Variants in MCMDC2 observed in about 807,000 individuals in gnomAD.
The protein encoded by MCMDC2 is minichromosome maintenance domain containing 2, also known as minichromosome maintenance domain-containing protein 2.
In MCMDC2, 54 loss-of-function variants were observed where a neutral mutation model predicts 75.8. That is an observed-to-expected ratio of 0.71 (90% CI 0.57 to 0.89). MCMDC2 has a LOEUF of 0.89. MCMDC2 is among the 40% of genes least tolerant of loss of function. The pLI, the probability that MCMDC2 is intolerant of heterozygous loss-of-function variation, is 0.00. For synonymous variants in MCMDC2, 249 were observed against 274.6 expected (o/e 0.91, Z 0.92); for missense variants, 656 against 780.4 (o/e 0.84, Z 1.90).
At chr8:66,882,530 T>G (rs1022532256) in intron 8 of MCMDC2, among the ~76,000 whole-genome samples, 2 of 152,076 alleles carry the variant, frequency 1.3e-5, no homozygotes. Flanking sequence ...CACGCCCAGC[T>G]AATTTTTGTA....
rs964976315 is a variant in MCMDC2 at position 66,900,584 on chromosome 8, G to A, written c.1627-622G>A. Among the ~76,000 whole-genome samples the A allele has an allele frequency of 1.3e-5, 2 of 151,920 alleles. 1 individual carries two copies. Among genetic ancestry groups the A allele is most frequent in the South Asian group, 4.2e-4 (2 of 4,812 alleles). On this transcript the variant is annotated intron_variant, in intron 12 of 14. Transcript: ENST00000422365. Reference sequence around the variant, plus strand: ...AATTGAAAAAACTAGAAAATAACTAGGATAGTAAAAAATTTGGAAATTACG... The same window carrying A: ...AATTGAAAAAACTAGAAAATAACTAAGATAGTAAAAAATTTGGAAATTACG...
In MCMDC2 at chr8:66,883,787, G is replaced by T. The variant is rs575574051; in HGVS notation, c.866G>T (p.Cys289Phe). ...VPSGISDNFRCLLSLTSSSCW... is the reference protein window; with the variant it reads ...VPSGISDNFRFLLSLTSSSCW... The stretch of plus-strand genomic sequence containing the variant: ...TCAGGAATTAGTGACAACTTCAGGT[G>T]TCTCCTCTCCTTAACTTCCAGCTCA... Residue 289 changes from cysteine to phenylalanine, a missense_variant, in exon 9 of 15, where the codon TGT (cysteine) becomes TTT (phenylalanine). Transcript: ENST00000422365. 5 of 1,612,210 alleles carry T rather than the reference G, an allele frequency of 3.1e-6. No individual in the cohort carries two copies. In the South Asian group the frequency reaches 5.5e-5, roughly 18 times the overall value.
intron 9 of MCMDC2, among the ~76,000 whole-genome samples, chr8:66,886,575 C>T (rs1373168094): frequency 1.3e-5 from 2 of 151,984 alleles, no homozygotes; most frequent in African/African-American, 4.8e-5. Flanking sequence ...GAATTTGAGA[C>T]CAACCTAGCC....
intron 12 of MCMDC2, among the ~76,000 whole-genome samples, chr8:66,899,036 TA>T (rs1429132324): frequency 5.9e-5 from 9 of 152,242 alleles, no homozygotes; most frequent in Admixed American, 5.9e-4. Flanking sequence ...TGTAAAATAG[TA>T]AAAAGTGAAA....
chr8:66,874,659 T>C, intron 4 of MCMDC2, 73 bp downstream of exon 4: 1 of 1,276,076 alleles, frequency 7.8e-7, no homozygotes, highest in Non-Finnish European at 1.1e-6. Flanking sequence ...TATTTTTATA[T>C]TCATAGACTT....
intron 6 of MCMDC2, 57 bp from the exon 7 acceptor site, chr8:66,878,758 G>T (rs1811420726): frequency 7.0e-7 from 1 of 1,437,126 alleles, no homozygotes; most frequent in Non-Finnish European, 9.4e-7. Context: ...TTTCAATATG[G>T]AAATTAAATT....
chr8:66,910,785 G>A (rs1271758884), intron 14 of MCMDC2, among the ~76,000 whole-genome samples: 1 of 151,830 alleles, frequency 6.6e-6, no homozygotes, highest in Non-Finnish European at 1.5e-5. Flanking sequence ...CTCCAGCCTG[G>A]GCAACAAGAG....
downstream of MCMDC2, chr8:66,925,506 C>A (rs371637683): frequency 2.1e-3 from 319 of 152,894 alleles, 4 homozygotes; most frequent in African/African-American, 7.4e-3. Flanking sequence ...AACGGCTCTT[C>A]GCGCTTCTTC....
rs184498711 is a variant in MCMDC2 at position 66,898,113 on chromosome 8, G to A, written c.1626+1154G>A. 4.4e-3 allele frequency among the ~76,000 whole-genome samples: 670 copies of A among 152,018 alleles called. 4 individuals are homozygous for A. Among genetic ancestry groups the A allele is most frequent in the South Asian group, 0.019 (90 of 4,810 alleles). On this transcript the variant is annotated intron_variant, in intron 12 of 14. Coordinates refer to ENST00000422365, the MANE Select transcript of MCMDC2 (RefSeq NM_173518.5). ...TTTTGGTTTTGGTTTTATTATATAGGAAAAAAGTAGTCTGTAGGAGTTAGG... is the reference window on the plus strand; with the variant it reads ...TTTTGGTTTTGGTTTTATTATATAGAAAAAAAGTAGTCTGTAGGAGTTAGG...
chr8:66,910,793 G>A (rs981099737), intron 14 of MCMDC2, among the ~76,000 whole-genome samples: 2 of 150,770 alleles, frequency 1.3e-5, no homozygotes, highest in Admixed American at 6.6e-5. Context: ...TGGGCAACAA[G>A]AGCAAAACTC....
intron 13 of MCMDC2, among the ~76,000 whole-genome samples, chr8:66,902,464 C>T (rs562758528): frequency 1.3e-4 from 20 of 149,066 alleles, no homozygotes; most frequent in East Asian, 1.0e-3. Flanking sequence ...CAAGGTGGGG[C>T]GATCACCTGA....
intron 14 of MCMDC2, among the ~76,000 whole-genome samples, chr8:66,914,283 CAAA>C (rs67943900): frequency 0.033 from 2,854 of 85,710 alleles, 46 homozygotes; most frequent in South Asian, 0.071. Context: ...ACCCTGTATC[CAAA>C]AAAAAAAAAA....
chr8:66,903,550 G>A (rs1473386461), intron 13 of MCMDC2, among the ~76,000 whole-genome samples: 1 of 152,158 alleles, frequency 6.6e-6, no homozygotes, highest in Non-Finnish European at 1.5e-5. Context: ...GTGAAGCTGT[G>A]ATGCAGCTAT....
Position 66,878,915 on chromosome 8 carries a change from A to G in MCMDC2, c.705A>G (p.Leu235=). The G allele has an allele frequency of 3.1e-6, 5 of 1,589,644 alleles. No individual in the cohort carries two copies. The highest frequency in any genetic ancestry group is 4.3e-6 in the Non-Finnish European group (5 of 1,161,684). The change falls in exon 7 of 15, where the codon CTA becomes CTG. Residue 235 remains leucine, a synonymous_variant. Transcript: ENST00000422365. ...GGTTTCAATCACTTACAATTTTCCTAAGAGGTAAGTGAATTCTGTTTGAAC... is the reference window on the plus strand; with the variant it reads ...GGTTTCAATCACTTACAATTTTCCTGAGAGGTAAGTGAATTCTGTTTGAAC... ...PFRFQSLTIF[L]RDESVNKMNI... is the part of the protein sequence containing the mutation.
chr8:66,879,310 T>TGGCCA (rs773625696), intron 7 of MCMDC2, among the ~76,000 whole-genome samples: 32 of 151,930 alleles, frequency 2.1e-4, no homozygotes, highest in Non-Finnish European at 4.1e-4. Context: ...AATGAAAAGC[T>TGGCCA]GGCCAGGCGC....
chr8:66,893,771 C>T (rs1459917503), intron 10 of MCMDC2, among the ~76,000 whole-genome samples: 1 of 152,074 alleles, frequency 6.6e-6, no homozygotes, highest in Non-Finnish European at 1.5e-5. Flanking sequence ...TTGACTACAG[C>T]ACCAAAGCTA....
chr8:66,925,533 G>A (rs2130886521), downstream of MCMDC2: 1 of 152,546 alleles, frequency 6.6e-6, no homozygotes, highest in Admixed American at 6.5e-5. Flanking sequence ...CGCCGGTCGC[G>A]CGGGAAAGGA....
intron 10 of MCMDC2, among the ~76,000 whole-genome samples, chr8:66,893,109 G>A (rs1273500611): frequency 6.6e-6 from 1 of 152,220 alleles, no homozygotes; most frequent in East Asian, 1.9e-4. Context: ...GATATGGACA[G>A]CCATGGACTG....
downstream of MCMDC2, among the ~76,000 whole-genome samples, chr8:66,925,897 G>T (rs908931708): frequency 7.9e-5 from 12 of 152,218 alleles, no homozygotes; most frequent in Non-Finnish European, 1.8e-4. Context: ...TGTAATCCCA[G>T]CCCTTTGGGA....
Sources: allele counts gnomAD v4.1 joint callset (sites outside exome capture counted in the v4.1 genomes callset), GRCh38; gene constraint gnomAD v4.1.1; transcripts MANE v1.5; gene names NCBI Gene and HGNC (gene_info 2026-07-23, HGNC 2026-07-21).